CFAP58: variants seen among roughly 807,000 people sequenced by gnomAD.
CFAP58 encodes cilia and flagella associated protein 58, also known as cilia- and flagella-associated protein 58.
In CFAP58, 88 loss-of-function variants were observed where a neutral mutation model predicts 119.5. The observed-to-expected ratio is 0.74, with a 90% CI of 0.62 to 0.88. The LOEUF (loss-of-function observed/expected upper bound fraction) is 0.88, where lower values mean the gene tolerates loss of function less well. Ranked by LOEUF, CFAP58 falls within the 40% of genes least tolerant of loss-of-function variation. The pLI, the probability that CFAP58 is intolerant of heterozygous loss-of-function variation, is 0.00. For missense variants in CFAP58, 990 were observed against 1,021.2 expected (o/e 0.97, Z 0.42); for synonymous variants, 365 against 366.3 (o/e 1.00, Z 0.04).
In CFAP58 at chr10:104,387,306, C is replaced by T. The variant is rs556060411; in HGVS notation, c.1366-4927C>T. Among the ~76,000 whole-genome samples the T allele has an allele frequency of 2.3e-4, 35 of 152,328 alleles. 1 individual carries two copies. Among genetic ancestry groups the T allele is most frequent in the African/African-American group, 6.5e-4 (27 of 41,576 alleles). ...ACTTGGCTCTGGGATGTGGATTGGG[C>T]TCAGTTCTGGACCACATGTTTCTTA... On this transcript the variant is annotated intron_variant, in intron 9 of 17. Transcript: ENST00000369704.
intron 16 of CFAP58, 105 bp from the exon 17 acceptor site, chr10:104,449,966 T>G: frequency 8.8e-7 from 1 of 1,133,816 alleles, no homozygotes; most frequent in Non-Finnish European, 1.2e-6. Flanking sequence ...ACTTGGGCAT[T>G]GTTTTGCACC....
rs370464243 is a variant in CFAP58, at chr10:104,452,784, C to G, written c.2511-1638C>G. 1.6e-4 allele frequency among the ~76,000 whole-genome samples: 25 copies of G among 152,316 alleles called. 1 individual carries two copies. In the East Asian group the frequency reaches 3.3e-3, roughly 20 times the overall value. The stretch of plus-strand genomic sequence containing the variant: ...CAGTCCTAGAAAGTTCTAGAAAGCT[C>G]TAGAATCTTTGCCTTTACCTGTCCT... On this transcript the variant is annotated intron_variant, in intron 17 of 17. Transcript: ENST00000369704.
intron 1 of CFAP58, among the ~76,000 whole-genome samples, chr10:104,356,807 G>A (rs1172145556): frequency 6.6e-6 from 1 of 152,156 alleles, no homozygotes; most frequent in Non-Finnish European, 1.5e-5. Flanking sequence ...CAGCAATTAA[G>A]TATAAATTCC....
Position 104,406,769 on chromosome 10 carries a change from G to T in CFAP58, c.2232G>T (p.Val744=), listed in dbSNP as rs751094731. The T allele has an allele frequency of 3.7e-6, 6 of 1,614,120 alleles. No homozygotes were observed. The highest frequency in any genetic ancestry group is 5.1e-6 in the Non-Finnish European group (6 of 1,180,016). The change falls in exon 15 of 18, where the codon GTG becomes GTT. Residue 744 remains valine (V), a synonymous_variant. Transcript: ENST00000369704. ...GTCTCATCAGCAAGACTGAAGAGGT[G>T]GTTGAAAAAGAGCTGCTCCTCCAGG... ...QKRLISKTEE[V]VEKELLLQEK...
At chr10:104,344,352 T>C in the CFAP58 span, among the ~76,000 whole-genome samples, 9 of 152,334 alleles carry the variant, frequency 5.9e-5, no homozygotes, top group African/African-American at 2.2e-4. Flanking sequence ...TGCCAGGCAT[T>C]GTCTAAATCA....
intron 2 of CFAP58, among the ~76,000 whole-genome samples, chr10:104,361,504 A>G (rs949862332): frequency 3.3e-5 from 5 of 152,212 alleles, no homozygotes; most frequent in East Asian, 3.8e-4. Context: ...CAGTCTATCA[A>G]TTTAGGGCTT....
intron 7 of CFAP58, among the ~76,000 whole-genome samples, chr10:104,372,378 G>GA (rs1182701650): frequency 6.6e-5 from 10 of 151,764 alleles, no homozygotes; most frequent in South Asian, 2.1e-4. Context: ...AAAAGAGAGA[G>GA]AAAAAAAAGA....
intron 9 of CFAP58, 89 bp downstream of exon 9, chr10:104,380,309 T>C (rs987526544): frequency 6.7e-6 from 8 of 1,201,014 alleles, no homozygotes; most frequent in African/African-American, 1.5e-5. Flanking sequence ...AAAGAGAATT[T>C]ATTCAGATTT....
intron 7 of CFAP58, among the ~76,000 whole-genome samples, chr10:104,373,068 A>G (rs1340384981): frequency 1.3e-5 from 2 of 152,222 alleles, no homozygotes; most frequent in East Asian, 3.8e-4. Context: ...GTAGATATCA[A>G]TAGCTTTTTT....
intron 4 of CFAP58, among the ~76,000 whole-genome samples, chr10:104,365,114 T>A (rs1265897971): frequency 6.6e-6 from 1 of 152,196 alleles, no homozygotes; most frequent in Admixed American, 6.5e-5. Context: ...GAGAAGTCAC[T>A]GAGGCGGGCA....
chr10:104,348,536 G>T, the CFAP58 span, among the ~76,000 whole-genome samples: 4 of 152,170 alleles, frequency 2.6e-5, no homozygotes, highest in Non-Finnish European at 4.4e-5. Flanking sequence ...GTTCTTGACT[G>T]TCCCTAGTCC....
At chr10:104,360,242 G>T (rs1267712359) in intron 2 of CFAP58, among the ~76,000 whole-genome samples, 1 of 152,208 alleles carries the variant, frequency 6.6e-6, no homozygotes, top group Non-Finnish European at 1.5e-5. Context: ...CAAAGCTGTT[G>T]TGTATTAGTT....
At chr10:104,380,307 T>C in intron 9 of CFAP58, 87 bp downstream of exon 9, 4 of 1,193,312 alleles carry the variant, frequency 3.4e-6, no homozygotes, top group Non-Finnish European at 4.8e-6. Context: ...GCAAAGAGAA[T>C]TTATTCAGAT....
At chr10:104,340,608 G>C in the CFAP58 span, among the ~76,000 whole-genome samples, 9 of 152,198 alleles carry the variant, frequency 5.9e-5, no homozygotes, top group Non-Finnish European at 1.2e-4. Context: ...GGAACTTGAG[G>C]AGTCAAGAAG....
At chr10:104,404,409 A>G (rs970107119) in intron 14 of CFAP58, among the ~76,000 whole-genome samples, 1 of 152,176 alleles carries the variant, frequency 6.6e-6, no homozygotes, top group East Asian at 1.9e-4. Flanking sequence ...AGTCATTACC[A>G]CCAGCACTGA....
In CFAP58 at chr10:104,362,140, G is replaced by A; in HGVS notation, c.409G>A (p.Gly137Arg). 6.2e-7 allele frequency: 1 copy of A among 1,613,878 alleles called. No individual in the cohort carries two copies. Among genetic ancestry groups the A allele is most frequent in the Admixed American group, 1.7e-5 (1 of 59,956 alleles). The change falls in exon 3 of 18, where the codon GGG becomes AGG. Residue 137 changes from glycine to arginine, a missense_variant. Coordinates refer to ENST00000369704, the MANE Select transcript of CFAP58 (RefSeq NM_001008723.2). ...GAACCTGACCAAACTAGTGGAGCAG[G>A]GGTCTGGACTGTCAATGGACCAGCA... ...IVNLTKLVEQ[G>R]SGLSMDQHSN... is the part of the protein sequence containing the mutation.
chr10:104,453,852 T>C (rs980498369), intron 17 of CFAP58, among the ~76,000 whole-genome samples: 2 of 151,726 alleles, frequency 1.3e-5, no homozygotes, highest in Admixed American at 6.6e-5. Context: ...CAGAATTCCC[T>C]CATCCATTGC....
intron 3 of CFAP58, among the ~76,000 whole-genome samples, chr10:104,362,395 A>G (rs1456748863): frequency 6.6e-6 from 1 of 152,172 alleles, no homozygotes; most frequent in African/African-American, 2.4e-5. Context: ...TTCTGCCTCC[A>G]TAGGAATCAG....
chr10:104,421,583 G>A (rs77604284), intron 15 of CFAP58, among the ~76,000 whole-genome samples: 1 of 152,242 alleles, frequency 6.6e-6, no homozygotes, highest in East Asian at 1.9e-4. Context: ...TAGGTCTCTT[G>A]GTACAGAAAA....
Sources: allele counts gnomAD v4.1 joint callset (sites outside exome capture counted in the v4.1 genomes callset), GRCh38; gene constraint gnomAD v4.1.1; transcripts MANE v1.5; gene names NCBI Gene and HGNC (gene_info 2026-07-23, HGNC 2026-07-21).